Variants in MAST3 observed in about 807,000 individuals in gnomAD.
MAST3 encodes microtubule-associated serine/threonine-protein kinase 3.
MAST3 carries 43 observed loss-of-function variants against 127.0 expected under a neutral mutation model. That is an observed-to-expected ratio of 0.34 (90% CI 0.27 to 0.44). The LOEUF is 0.44. MAST3 is among the 20% of genes least tolerant of loss of function. The probability of loss-of-function intolerance (pLI) is 1.00; values close to 1 mark genes in which losing one functional copy is unlikely to be tolerated. For synonymous variants in MAST3, 785 were observed against 809.2 expected, an observed-to-expected ratio of 0.97 and a Z score of 0.51; for missense variants, 1,390 against 1,919.1, an observed-to-expected ratio of 0.72 and a Z score of 5.15.
chr19:18,133,815 A>G (rs141077277), intron 15 of MAST3, among the ~76,000 whole-genome samples: 2,654 of 152,048 alleles, frequency 0.017, 86 homozygotes, highest in African/African-American at 0.061. Flanking sequence ...CGGCCTCCCA[A>G]AGTGCTGGGA....
At chr19:18,114,295 T>G (rs1188359780) in intron 3 of MAST3, among the ~76,000 whole-genome samples, 1 of 151,904 alleles carries the variant, frequency 6.6e-6, no homozygotes, top group Non-Finnish European at 1.5e-5. Context: ...GTTCAAGTGA[T>G]TCTCCTGCCT....
rs921704269 is a variant in MAST3 at position 18,124,938 on chromosome 19, C to G, written c.1078+164C>G. The stretch of plus-strand genomic sequence containing the variant: ...CTGGCCAACATGGTGGAAACCCCCC[C>G]CCTACTAAAAATACAAAAATTAGCT... On this transcript the variant is annotated intron_variant, in intron 11 of 27. Coordinates refer to ENST00000687212, the MANE Select transcript of MAST3 (RefSeq NM_001393504.1). Among the ~76,000 whole-genome samples the G allele has an allele frequency of 2.0e-4, 27 of 136,076 alleles. No homozygotes were observed. In the South Asian group the frequency reaches 4.7e-3, roughly 24 times the overall value. The allele number at this position is 136,076 out of a possible 152,430, so 89.3% of individuals were successfully genotyped here. A position where few individuals can be genotyped will look rare whatever the true frequency, so the allele number is the denominator to read the frequency against.
At chr19:18,138,851 C>T (rs1193491246) in intron 19 of MAST3, among the ~76,000 whole-genome samples, 164 bp from the exon 20 acceptor site, 3 of 152,172 alleles carry the variant, frequency 2.0e-5, no homozygotes, top group Non-Finnish European at 4.4e-5. Flanking sequence ...TCTGCTCTGC[C>T]GCCCAAGCCT....
intron 1 of MAST3, among the ~76,000 whole-genome samples, chr19:18,105,853 C>G (rs1383960482): frequency 6.6e-6 from 1 of 152,000 alleles, no homozygotes; most frequent in Non-Finnish European, 1.5e-5. Context: ...GGGAGTCACC[C>G]GTCAGCCGTC....
Position 18,121,669 on chromosome 19 carries a change from C to G in MAST3, c.162-16C>G. 5.6e-6 allele frequency: 9 copies of G among 1,612,024 alleles called. No individual in the cohort carries two copies. The highest frequency in any genetic ancestry group is 7.6e-6 in the Non-Finnish European group (9 of 1,178,808). On this transcript the variant is annotated splice_polypyrimidine_tract_variant and intron_variant, in intron 3 of 27. Transcript: ENST00000687212. ...CCCTGGGCAGCCACCTACCCTGTCC[C>G]CTTTTCCCCCCACAGCTGCCGCAGC...
chr19:18,107,989 C>T (rs564318228), intron 2 of MAST3, among the ~76,000 whole-genome samples: 1 of 152,206 alleles, frequency 6.6e-6, no homozygotes, highest in South Asian at 2.1e-4. Flanking sequence ...TTGGGGAACA[C>T]CAGCAGAAAA....
At chr19:18,143,279 A>T (rs1376555109) in intron 21 of MAST3, among the ~76,000 whole-genome samples, 1 of 152,032 alleles carries the variant, frequency 6.6e-6, no homozygotes, top group African/African-American at 2.4e-5. Flanking sequence ...GCTGGGTTTT[A>T]AAAGTTGAAT....
intron 3 of MAST3, among the ~76,000 whole-genome samples, chr19:18,117,680 G>A (rs1333173994): frequency 6.6e-6 from 1 of 152,316 alleles, no homozygotes; most frequent in Middle Eastern, 3.4e-3. Flanking sequence ...ACTGAGAAGG[G>A]GTCAGTGCTC....
rs576146498 is a variant in MAST3, at chr19:18,124,503, G to A, written c.945+137G>A. The stretch of plus-strand genomic sequence containing the variant: ...GAACACAGGGTGCTATTGGGCTAGC[G>A]TGGGCTTCCCTAAGGAGGCAGCGGG... On this transcript the variant is annotated intron_variant, in intron 10 of 27. Transcript: ENST00000687212. 1.6e-5 allele frequency: 21 copies of A among 1,348,314 alleles called. No individual in the cohort carries two copies. In the East Asian group the frequency reaches 2.5e-4, roughly 16 times the overall value. The allele number at this position is 1,348,314 out of a possible 1,614,324, so 83.5% of individuals were successfully genotyped here. A position where few individuals can be genotyped will look rare whatever the true frequency, so the allele number is the denominator to read the frequency against.
intron 19 of MAST3, among the ~76,000 whole-genome samples, chr19:18,138,323 T>C (rs1343860687): frequency 1.4e-3 from 1 of 694 alleles, no homozygotes; most frequent in Admixed American, 0.014. Context: ...ACAACCTGTT[T>C]TTTTTTTTTT....
chr19:18,140,983 C>T (rs1046225206), intron 20 of MAST3, among the ~76,000 whole-genome samples: 11 of 151,630 alleles, frequency 7.3e-5, no homozygotes, highest in African/African-American at 2.4e-4. Flanking sequence ...TAGTAGCGAC[C>T]AGGTTTCACC....
rs1336057923 is a variant in MAST3 at position 18,110,886 on chromosome 19, T to G, written c.161+145T>G. The G allele has an allele frequency of 5.2e-6, 1 of 190,540 alleles. No homozygotes were observed. Among genetic ancestry groups the G allele is most frequent in the Admixed American group, 6.5e-5 (1 of 15,298 alleles). 11.8% of individuals were successfully genotyped at this position (190,540 alleles called of 1,614,324 possible). A position where few individuals can be genotyped will look rare whatever the true frequency, so the allele number is the denominator to read the frequency against. ...GGCCTCAGTTTACCCCTCCACATAA[T>G]GGCACTGCGATACGTTCTAGGGGCT... On this transcript the variant is annotated intron_variant, in intron 3 of 27. Coordinates refer to ENST00000687212, the MANE Select transcript of MAST3 (RefSeq NM_001393504.1). The surrounding 1 kb of genome is among the most constrained non-coding windows in gnomAD (Gnocchi z 4.3).
At position 18,128,450 on chromosome 19, in the gene MAST3, TC is replaced by T; in HGVS notation, c.1133del (p.Pro378GlnfsTer55). 6.4e-7 allele frequency: 1 copy of T among 1,555,396 alleles called. No individual in the cohort carries two copies. Among genetic ancestry groups the T allele is most frequent in the Non-Finnish European group, 8.7e-7 (1 of 1,149,276 alleles). ...LEEEQPPAPE[S>X]PESRALVGQS... ...AGAAGAACAGCCCCCAGCACCTGAG[TC>T]CCCAGAGGTGAGTAGCAGAGGCTGG... On this transcript the variant is annotated frameshift_variant, in exon 12 of 28. Coordinates refer to ENST00000687212, the MANE Select transcript of MAST3 (RefSeq NM_001393504.1). LOFTEE classifies it high-confidence loss of function.
At position 18,144,426 on chromosome 19, in the gene MAST3, G is replaced by C. The variant is rs574285568; in HGVS notation, c.2585-40G>C. 29 of 1,507,614 alleles carry C rather than the reference G, an allele frequency of 1.9e-5. No individual in the cohort carries two copies. In the African/African-American group the frequency reaches 3.7e-4, roughly 19 times the overall value. 93.4% of individuals were successfully genotyped at this position (1,507,614 alleles called of 1,614,324 possible). On this transcript the variant is annotated intron_variant, in intron 22 of 27. Coordinates refer to ENST00000687212, the MANE Select transcript of MAST3 (RefSeq NM_001393504.1). This position sits in a 1 kb window ranked among gnomAD's most constrained non-coding sequence, Gnocchi z 4.0. ...TAAGGTCCCTTTAGGACCACATGGT[G>C]AGTTTGAGGGGCACCCAGCTGACCC...
chr19:18,121,716 G>T lies in MAST3; in HGVS notation c.193G>T (p.Val65Leu), dbSNP rs1477959097. The T allele has an allele frequency of 1.2e-6, 2 of 1,613,826 alleles. No individual in the cohort carries two copies. The highest frequency in any genetic ancestry group is 2.7e-5 in the African/African-American group (2 of 74,934). ...CAGCGGGAACCGCAAGAGCTTGGTG[G>T]TAGGAACGCCCTCCCCGACCCTCTC... ...CRSGNRKSLV[V>L]GTPSPTLSRP... Residue 65 changes from valine (V) to leucine (L), a missense_variant, in exon 4 of 28, where the codon GTA becomes TTA. Coordinates refer to ENST00000687212, the MANE Select transcript of MAST3 (RefSeq NM_001393504.1).
Position 18,137,352 on chromosome 19 carries a change from T to C in MAST3, c.2086T>C (p.Tyr696His). 1.2e-6 allele frequency: 2 copies of C among 1,613,440 alleles called. No individual in the cohort carries two copies. The highest frequency in any genetic ancestry group is 1.7e-6 in the Non-Finnish European group (2 of 1,179,582). The change falls in exon 19 of 28, where the codon TAC becomes CAC. Residue 696 changes from tyrosine (Y) to histidine (H), a missense_variant. Transcript: ENST00000687212. ...PQLEAEDDTSYFDTRSERYRH... is the reference protein window; with the variant it reads ...PQLEAEDDTSHFDTRSERYRH... ...GCTCGAAGCTGAGGATGATACCAGC[T>C]ACTTTGACAGTAAGGAGGGATCCCC...
chr19:18,137,397 T>C (rs1599846188), intron 19 of MAST3, 36 bp downstream of exon 19: 4 of 1,598,756 alleles, frequency 2.5e-6, no homozygotes, highest in Admixed American at 3.4e-5. Context: ...GGGCGGGGGG[T>C]GCTCTGCCAT....
chr19:18,115,587 T>TCACCATCTCTGGTGGTCTCAAAAC lies in MAST3; in HGVS notation c.161+4856_161+4879dup, dbSNP rs533122920. Among the ~76,000 whole-genome samples the TCACCATCTCTGGTGGTCTCAAAAC allele has an allele frequency of 4.2e-4, 64 of 152,106 alleles. No homozygotes were observed. The East Asian group carries it at 0.011, about 27-fold the overall frequency. On this transcript the variant is annotated intron_variant, in intron 3 of 27. Transcript: ENST00000687212. ...TCATAGGTGACCACTCCCATACTCA[T>TCACCATCTCTGGTGGTCTCAAAAC]CACCATCTCTGGTGGTCTCAAAACC...
chr19:18,140,450 A>C (rs570427167), intron 20 of MAST3, among the ~76,000 whole-genome samples: 147 of 152,246 alleles, frequency 9.7e-4, no homozygotes, highest in African/African-American at 3.3e-3. Flanking sequence ...TGCAACCATC[A>C]CCTCTATCTA....
Sources: allele counts gnomAD v4.1 joint callset (sites outside exome capture counted in the v4.1 genomes callset), GRCh38; gene constraint gnomAD v4.1.1; non-coding constraint Gnocchi (gnomAD v3.1); transcripts MANE v1.5; gene names NCBI Gene and HGNC (gene_info 2026-07-23, HGNC 2026-07-21).